The following TTC23L variants were observed in gnomAD, a reference collection of about 807,000 sequenced individuals.
TTC23L encodes tetratricopeptide repeat domain 23 like, also known as tetratricopeptide repeat protein 23-like.
In TTC23L, 42 loss-of-function variants were observed where a neutral mutation model predicts 48.1. That is an observed-to-expected ratio of 0.87 (90% CI 0.68 to 1.13). The LOEUF is 1.13. Ranked by LOEUF, TTC23L falls within the 50% of genes most tolerant of loss-of-function variation. The pLI, the probability that TTC23L is intolerant of heterozygous loss-of-function variation, is 0.00. For synonymous variants in TTC23L, 159 were observed against 157.2 expected (o/e 1.01, Z -0.09); for missense variants, 391 against 421.0 (o/e 0.93, Z 0.62).
At position 34,863,802 on chromosome 5, in the gene TTC23L, G is replaced by C. The variant is rs115646829; in HGVS notation, c.537-635G>C. ...GATGTTAAGGGCATTTGATGTTCAC[G>C]CATCATCATGAGCACTCTTTGAGCC... On this transcript the variant is annotated intron_variant, in intron 5 of 10. Coordinates refer to ENST00000505624, the Ensembl canonical transcript of TTC23L. This position sits in a 1 kb window ranked among gnomAD's most constrained non-coding sequence, Gnocchi z 4.1. 0.026 allele frequency among the ~76,000 whole-genome samples: 4,013 copies of C among 152,218 alleles called. 83 individuals carry two copies. Among genetic ancestry groups the C allele is most frequent in the Non-Finnish European group, 0.043 (2,934 of 67,998 alleles).
intron 8 of TTC23L, among the ~76,000 whole-genome samples, chr5:34,871,255 T>C (rs544006112): frequency 3.3e-5 from 5 of 152,298 alleles, no homozygotes; most frequent in African/African-American, 1.2e-4. Flanking sequence ...AACTTAATTG[T>C]AGTTCTATAT....
Position 34,895,793 on chromosome 5 carries a change from T to A in TTC23L, c.1078-977T>A, listed in dbSNP as rs182440786. 8.5e-5 allele frequency among the ~76,000 whole-genome samples: 13 copies of A among 152,318 alleles called. No homozygotes were observed. In the East Asian group the frequency reaches 2.5e-3, roughly 29 times the overall value. On this transcript the variant is annotated intron_variant, in intron 9 of 10. Coordinates refer to ENST00000505624, the Ensembl canonical transcript of TTC23L. ...GCAAGGAAAAAGAAAGGAGGTGATA[T>A]GCTGCAGTACATTTTGTATCAGCCA...
At chr5:34,898,287 T>A (rs1024461409) in intron 10 of TTC23L, among the ~76,000 whole-genome samples, 1 of 152,188 alleles carries the variant, frequency 6.6e-6, no homozygotes, top group Non-Finnish European at 1.5e-5. Context: ...ACCAAGCTGA[T>A]GTGGAAAATA....
At chr5:34,864,690 T>A in intron 6 of TTC23L, 128 bp downstream of exon 6, 1 of 1,205,062 alleles carries the variant, frequency 8.3e-7, no homozygotes, top group Non-Finnish European at 1.1e-6. Flanking sequence ...GGCTCATATT[T>A]ACCAAATGGA....
At chr5:34,846,859 A>G (rs1481658178) in intron 3 of TTC23L, among the ~76,000 whole-genome samples, 1 of 152,002 alleles carries the variant, frequency 6.6e-6, no homozygotes, top group Non-Finnish European at 1.5e-5. Context: ...GTGGAATCAT[A>G]AACAAACCAA....
chr5:34,875,080 C>G (rs1415975873), intron 8 of TTC23L, among the ~76,000 whole-genome samples: 2 of 152,116 alleles, frequency 1.3e-5, no homozygotes, highest in African/African-American at 4.8e-5. Context: ...CCAGAACAAA[C>G]TTAGTGCAAG....
chr5:34,840,835 A>C, intron 2 of TTC23L, 96 bp downstream of exon 2: 1 of 1,166,770 alleles, frequency 8.6e-7, no homozygotes, highest in Non-Finnish European at 1.3e-6. Flanking sequence ...GCTTTGCATG[A>C]GAAGCGTTCA....
intron 8 of TTC23L, among the ~76,000 whole-genome samples, chr5:34,875,420 C>T (rs1761766539): frequency 6.6e-6 from 1 of 152,090 alleles, no homozygotes. Context: ...GAAGCCAGTC[C>T]AAGTCCCAAA....
rs1209805386 is a variant in TTC23L, at chr5:34,880,579, C to T, written c.1077+271C>T. On this transcript the variant is annotated intron_variant, in intron 9 of 10. Transcript: ENST00000505624. ...AGGCTCAAAGTATTTTAGAGGGACT[C>T]GATATTGATGGCAAAAGAAAATTGG... 1.8e-5 allele frequency: 8 copies of T among 435,336 alleles called. No homozygotes were observed. In the East Asian group the frequency reaches 3.5e-4, roughly 19 times the overall value. The allele number at this position is 435,336 out of a possible 1,614,324, so 27.0% of individuals were successfully genotyped here. A position where few individuals can be genotyped will look rare whatever the true frequency, so the allele number is the denominator to read the frequency against.
At chr5:34,884,696 A>G (rs1188741210) in intron 9 of TTC23L, among the ~76,000 whole-genome samples, 1 of 152,190 alleles carries the variant, frequency 6.6e-6, no homozygotes. Flanking sequence ...ATAGCATCAA[A>G]AAGAATAAAA....
At chr5:34,896,979 G>A in intron 10 of TTC23L, 104 bp downstream of exon 10, 1 of 529,110 alleles carries the variant, frequency 1.9e-6, no homozygotes, top group Non-Finnish European at 3.4e-6. Context: ...GAGGAAGAAA[G>A]GCTCTGTAGC....
chr5:34,864,561 A>G, exon 6 of TTC23L: 1 of 1,612,260 alleles, frequency 6.2e-7, no homozygotes, highest in South Asian at 1.1e-5. Flanking sequence ...TGCTTTGGGC[A>G]GGTAAGATCT....
chr5:34,853,134 G>C (rs1385127420), intron 4 of TTC23L, among the ~76,000 whole-genome samples: 5 of 152,174 alleles, frequency 3.3e-5, no homozygotes, highest in African/African-American at 1.2e-4. Flanking sequence ...TACTGAGTTT[G>C]GTTTCTGAAA....
intron 8 of TTC23L, among the ~76,000 whole-genome samples, chr5:34,871,652 A>G (rs530313392): frequency 2.7e-4 from 41 of 152,340 alleles, no homozygotes; most frequent in Admixed American, 6.5e-4. Context: ...AAGATTTACT[A>G]TAAAGCAGTA....
chr5:34,915,903 A>G, the TTC23L span: 8 of 1,547,688 alleles, frequency 5.2e-6, no homozygotes, highest in African/African-American at 8.2e-5. Flanking sequence ...GCAAGGTAGG[A>G]GGGGATGTCC....
rs775519680 is a variant in TTC23L at position 34,866,881 on chromosome 5, T to A, written c.663-11T>A. On this transcript the variant is annotated splice_polypyrimidine_tract_variant and intron_variant, in intron 6 of 10. Transcript: ENST00000505624. ...CTCTGTGACTTTCTATTTTCATCCC[T>A]TTTCTTGCAGAGCCTCCTTGGCCAT... The A allele has an allele frequency of 9.5e-5, 150 of 1,571,970 alleles. No homozygotes were observed. Among genetic ancestry groups the A allele is most frequent in the Non-Finnish European group, 1.3e-4 (149 of 1,153,788 alleles).
At chr5:34,880,054 C>T (rs1352666800) in intron 8 of TTC23L, 127 bp from the exon 9 acceptor site, 2 of 1,143,210 alleles carry the variant, frequency 1.7e-6, no homozygotes, top group Non-Finnish European at 2.5e-6. Context: ...TTTAAAGAGT[C>T]CTTATGAGAC....
chr5:34,845,520 A>G (rs780481595), exon 3 of TTC23L: 29 of 1,613,614 alleles, frequency 1.8e-5, no homozygotes, highest in Admixed American at 6.7e-5. Flanking sequence ...CTCACCAGCA[A>G]ACAGATGAGT....
At chr5:34,881,842 C>A (rs1255725565) in intron 9 of TTC23L, among the ~76,000 whole-genome samples, 1 of 151,134 alleles carries the variant, frequency 6.6e-6, no homozygotes, top group Non-Finnish European at 1.5e-5. Context: ...CAGCTCACTG[C>A]AACCTCTGCC....
Sources: allele counts gnomAD v4.1 joint callset (sites outside exome capture counted in the v4.1 genomes callset), GRCh38; gene constraint gnomAD v4.1.1; non-coding constraint Gnocchi (gnomAD v3.1); transcripts MANE v1.5; gene names NCBI Gene and HGNC (gene_info 2026-07-23, HGNC 2026-07-21).